The following CADPS2 variants were observed in gnomAD, a reference collection of about 807,000 sequenced individuals.
CADPS2 encodes calcium-dependent secretion activator 2.
A neutral mutation model predicts 172.5 loss-of-function variants in CADPS2; 93 were observed. That is an observed-to-expected ratio of 0.54 (90% CI 0.46 to 0.64). CADPS2 has a LOEUF of 0.64. Among genes scored for constraint, CADPS2 ranks in the 30% least tolerant of loss-of-function variants. CADPS2 has a pLI of 0.00. For missense variants in CADPS2, 1,420 were observed against 1,565.9 expected (o/e 0.91, Z 1.57); for synonymous variants, 546 against 555.2 (o/e 0.98, Z 0.23).
intron 14 of CADPS2, among the ~76,000 whole-genome samples, chr7:122,471,135 A>G (rs1563428038): frequency 6.6e-6 from 1 of 152,000 alleles, no homozygotes; most frequent in South Asian, 2.1e-4. Context: ...TTCTAATCTC[A>G]TATTTTTTCT....
At chr7:122,567,991 G>A (rs918869054) in intron 7 of CADPS2, among the ~76,000 whole-genome samples, 1 of 152,118 alleles carries the variant, frequency 6.6e-6, no homozygotes, top group African/African-American at 2.4e-5. Flanking sequence ...GCAGAGGTGT[G>A]TCAGAATGGA....
intron 7 of CADPS2, among the ~76,000 whole-genome samples, chr7:122,554,920 G>C (rs1039672650): frequency 6.6e-6 from 1 of 151,898 alleles, no homozygotes; most frequent in Non-Finnish European, 1.5e-5. Flanking sequence ...TTTTCTTCCT[G>C]TGTCACTTCA....
At chr7:122,536,988 T>C (rs749011388) in intron 8 of CADPS2, among the ~76,000 whole-genome samples, 20 of 151,942 alleles carry the variant, frequency 1.3e-4, no homozygotes, top group Non-Finnish European at 2.2e-4. Context: ...CATGGGCACA[T>C]AGAGGAGAAG....
In CADPS2 at chr7:122,527,580, A is replaced by AAGAGAG. The variant is rs1192583104; in HGVS notation, c.1476-14266_1476-14265insCTCTCT. The stretch of plus-strand genomic sequence containing the variant: ...TTTAATACTGGTAAAGATAATACTG[A>AAGAGAG]ATAGAGAGAGAGAGAGAGAGAGAGA... On this transcript the variant is annotated intron_variant, in intron 8 of 29. Coordinates refer to ENST00000449022, the MANE Select transcript of CADPS2 (RefSeq NM_017954.11). 1.9e-3 allele frequency among the ~76,000 whole-genome samples: 165 copies of AAGAGAG among 84,904 alleles called. 1 individual carries two copies. The highest frequency in any genetic ancestry group is 6.5e-3 in the South Asian group (15 of 2,308). The allele number at this position is 84,904 out of a possible 152,430, so 55.7% of individuals were successfully genotyped here.
At chr7:122,512,838 G>A (rs996727447) in intron 9 of CADPS2, among the ~76,000 whole-genome samples, 8 of 152,038 alleles carry the variant, frequency 5.3e-5, no homozygotes, top group Admixed American at 1.3e-4. Flanking sequence ...GAGGGTCTAC[G>A]AGGTCAAAAC....
Position 122,654,066 on chromosome 7 carries a change from T to C in CADPS2, c.786+9171A>G, listed in dbSNP as rs140486577. Among the ~76,000 whole-genome samples the C allele has an allele frequency of 2.5e-3, 384 of 152,202 alleles. 1 individual carries two copies. The highest frequency in any genetic ancestry group is 8.2e-3 in the African/African-American group (342 of 41,534). On this transcript the variant is annotated intron_variant, in intron 3 of 29. Coordinates refer to ENST00000449022, the MANE Select transcript of CADPS2 (RefSeq NM_017954.11). ...AAGGCATGTCATAAGAAGAGACGGG[T>C]CAAATGCTAGGCCTCTTGCACCAAA... is the stretch of plus-strand genomic sequence containing the variant.
At chr7:122,387,871 A>AC (rs2043879709) in intron 23 of CADPS2, among the ~76,000 whole-genome samples, 2 of 151,664 alleles carry the variant, frequency 1.3e-5, no homozygotes, top group South Asian at 4.2e-4. Flanking sequence ...CTAAAGACAG[A>AC]TTTTTTCTTG....
At chr7:122,837,621 C>T (rs1808931046) in intron 1 of CADPS2, among the ~76,000 whole-genome samples, 1 of 152,168 alleles carries the variant, frequency 6.6e-6, no homozygotes, top group African/African-American at 2.4e-5. Context: ...CACAGAAATA[C>T]AAACTACCAT....
chr7:122,360,662 A>T, intron 27 of CADPS2, 126 bp downstream of exon 27: 2 of 805,676 alleles, frequency 2.5e-6, no homozygotes, highest in African/African-American at 1.7e-5. Flanking sequence ...GTGCTTGCTT[A>T]AGGAAAATAA....
intron 5 of CADPS2, among the ~76,000 whole-genome samples, chr7:122,619,627 C>T (rs2075353736): frequency 7.1e-6 from 1 of 141,236 alleles, no homozygotes; most frequent in Non-Finnish European, 1.5e-5. Flanking sequence ...ACTCAGTCTC[C>T]AAACAAATAA....
At chr7:122,885,879 G>T in intron 1 of CADPS2, 120 bp downstream of exon 1, 2 of 1,230,052 alleles carry the variant, frequency 1.6e-6, no homozygotes, top group Non-Finnish European at 1.2e-6. Context: ...TCTGCCCTCA[G>T]AGACTAACAA....
At chr7:122,426,528 T>C (rs2049194072) in intron 17 of CADPS2, among the ~76,000 whole-genome samples, 1 of 152,248 alleles carries the variant, frequency 6.6e-6, no homozygotes, top group African/African-American at 2.4e-5. Context: ...AGCTAGGGCC[T>C]ACAAGTAATG....
intron 6 of CADPS2, among the ~76,000 whole-genome samples, chr7:122,605,035 C>T (rs182995031): frequency 6.6e-6 from 1 of 152,144 alleles, no homozygotes; most frequent in Non-Finnish European, 1.5e-5. Context: ...CATGTATTGT[C>T]CTAAATACTG....
intron 29 of CADPS2, among the ~76,000 whole-genome samples, chr7:122,320,848 T>G (rs1380371560): frequency 6.6e-6 from 1 of 152,198 alleles, no homozygotes; most frequent in Non-Finnish European, 1.5e-5. Flanking sequence ...ATAAAATTTA[T>G]TTACATGTAC....
chr7:122,712,225 C>T (rs978866799), intron 2 of CADPS2, among the ~76,000 whole-genome samples: 4 of 152,072 alleles, frequency 2.6e-5, no homozygotes, highest in Non-Finnish European at 5.9e-5. Context: ...CAGGACTTCG[C>T]TATGCTCCTT....
intron 9 of CADPS2, among the ~76,000 whole-genome samples, chr7:122,504,643 T>C (rs1244635556): frequency 6.6e-6 from 1 of 152,164 alleles, no homozygotes; most frequent in Non-Finnish European, 1.5e-5. Context: ...GATAGCTCAC[T>C]GTAACCTCGA....
chr7:122,424,194 G>C (rs1489012605), intron 17 of CADPS2: 2 of 307,094 alleles, frequency 6.5e-6, no homozygotes, highest in Non-Finnish European at 9.5e-6. Context: ...GGCTTCCTTT[G>C]GGACCAACTC....
intron 3 of CADPS2, among the ~76,000 whole-genome samples, chr7:122,654,998 C>T (rs2079573101): frequency 6.6e-6 from 1 of 152,168 alleles, no homozygotes; most frequent in African/African-American, 2.4e-5. Flanking sequence ...AAGGAAGTAA[C>T]TGGAGATGTT....
intron 3 of CADPS2, among the ~76,000 whole-genome samples, chr7:122,636,144 T>C (rs2077044915): frequency 6.6e-6 from 1 of 152,146 alleles, no homozygotes; most frequent in South Asian, 2.1e-4. Flanking sequence ...GTTATTTCGT[T>C]AGCTGGTTGT....
Sources: gnomAD v4.1 joint callset for allele counts (sites outside exome capture counted in the v4.1 genomes callset) on GRCh38, gnomAD v4.1.1 for gene constraint, MANE v1.5 for transcripts, NCBI Gene and HGNC (gene_info 2026-07-23, HGNC 2026-07-21) for gene names.